Variants in GRIK2 observed in about 807,000 individuals in gnomAD.
The protein encoded by GRIK2 is glutamate ionotropic receptor kainate type subunit 2.
In GRIK2, 32 loss-of-function variants were observed where a neutral mutation model predicts 100.3. That is an observed-to-expected ratio of 0.32 (90% CI 0.24 to 0.43). The LOEUF (loss-of-function observed/expected upper bound fraction) is 0.43. GRIK2 is among the 20% of genes least tolerant of loss of function. The probability of loss-of-function intolerance (pLI) is 1.00; values close to 1 mark genes in which losing one functional copy is unlikely to be tolerated. For synonymous variants in GRIK2, 417 were observed against 389.4 expected (o/e 1.07, Z -0.83); for missense variants, 843 against 1,114.9 (o/e 0.76, Z 3.47).
chr6:101,775,523 GTA>G (rs1361727551), intron 7 of GRIK2, among the ~76,000 whole-genome samples: 1 of 2,948 alleles, frequency 3.4e-4, no homozygotes, highest in African/African-American at 1.5e-3. Flanking sequence ...ATATATGTGT[GTA>G]TATATATGTA....
intron 10 of GRIK2, among the ~76,000 whole-genome samples, chr6:101,822,207 TACACAC>T (rs58680927): frequency 0.015 from 2,201 of 143,214 alleles, 22 homozygotes; most frequent in Middle Eastern, 0.032. Flanking sequence ...TGGAGAGTTT[TACACAC>T]ACACACACAC....
At chr6:101,509,361 G>A (rs969642425) in intron 2 of GRIK2, among the ~76,000 whole-genome samples, 5 of 152,082 alleles carry the variant, frequency 3.3e-5, no homozygotes, top group East Asian at 1.9e-4. Context: ...TTTACTGAGC[G>A]ATTAATTTCC....
chr6:101,807,490 C>A (rs890274886), intron 9 of GRIK2, among the ~76,000 whole-genome samples: 12 of 151,848 alleles, frequency 7.9e-5, no homozygotes, highest in African/African-American at 2.7e-4. Flanking sequence ...TCAGAACTTA[C>A]TACAGGAAGG....
In GRIK2 at chr6:101,477,435, T is replaced by C. The variant is rs1347834325; in HGVS notation, c.115+78043T>C. On this transcript the variant is annotated intron_variant, in intron 2 of 16. Coordinates refer to ENST00000369134, the MANE Select transcript of GRIK2 (RefSeq NM_021956.5). ...GCCCACCAAACAATTTGTCAAATTA[T>C]GTTTCTTATCCATTTTGATCTCCCT... 2.0e-5 allele frequency among the ~76,000 whole-genome samples: 3 copies of C among 152,314 alleles called. No individual in the cohort carries two copies. In the South Asian group the frequency reaches 6.2e-4, roughly 32 times the overall value.
intron 2 of GRIK2, among the ~76,000 whole-genome samples, chr6:101,607,861 T>C (rs1779503202): frequency 6.6e-6 from 1 of 151,742 alleles, no homozygotes; most frequent in South Asian, 2.1e-4. Flanking sequence ...TTGAAGACCC[T>C]ACCTAGGGGC....
chr6:101,716,738 TTAAAGAA>T (rs1295048712), intron 7 of GRIK2, among the ~76,000 whole-genome samples: 1 of 151,680 alleles, frequency 6.6e-6, no homozygotes, highest in African/African-American at 2.4e-5. Flanking sequence ...ACCCAAGAAC[TTAAAGAA>T]TAATAATAAA....
At chr6:101,729,693 G>A (rs1275987060) in intron 7 of GRIK2, among the ~76,000 whole-genome samples, 1 of 149,350 alleles carries the variant, frequency 6.7e-6, no homozygotes, top group African/African-American at 2.4e-5. Flanking sequence ...GGTGTGGGAA[G>A]AGAGAGAGAG....
intron 2 of GRIK2, among the ~76,000 whole-genome samples, chr6:101,555,076 A>G (rs1776675465): frequency 6.6e-6 from 1 of 152,192 alleles, no homozygotes; most frequent in Non-Finnish European, 1.5e-5. Context: ...AGTTGAAGGA[A>G]ATATGCTGTT....
At chr6:101,885,465 C>T (rs762268735) in intron 11 of GRIK2, among the ~76,000 whole-genome samples, 96 of 151,954 alleles carry the variant, frequency 6.3e-4, no homozygotes, top group Non-Finnish European at 9.3e-4. Flanking sequence ...TCTCAGGTTT[C>T]GGGTTAGCTA....
chr6:101,800,328 T>A (rs1189277084), intron 8 of GRIK2, among the ~76,000 whole-genome samples: 4 of 151,830 alleles, frequency 2.6e-5, no homozygotes, highest in African/African-American at 9.7e-5. Context: ...ATGTCTGTTA[T>A]AGATCAAGAA....
At chr6:101,680,286 C>T (rs1771149699) in intron 5 of GRIK2, among the ~76,000 whole-genome samples, 1 of 152,140 alleles carries the variant, frequency 6.6e-6, no homozygotes, top group African/African-American at 2.4e-5. Context: ...TTGCCTGAGA[C>T]GTCCATGTTT....
intron 14 of GRIK2, among the ~76,000 whole-genome samples, chr6:101,962,118 C>T (rs1223051): frequency 0.099 from 14,982 of 152,084 alleles, 2,021 homozygotes; most frequent in African/African-American, 0.3. Flanking sequence ...ATAAAGTACC[C>T]CCATCTACCT....
At chr6:101,676,927 G>A (rs1330273262) in intron 5 of GRIK2, 123 bp downstream of exon 5, 3 of 577,526 alleles carry the variant, frequency 5.2e-6, no homozygotes, top group Non-Finnish European at 8.9e-6. Context: ...GTAATTTTAT[G>A]ATAGAAAGTC....
At chr6:101,689,903 G>A (rs952373894) in intron 7 of GRIK2, among the ~76,000 whole-genome samples, 2 of 152,080 alleles carry the variant, frequency 1.3e-5, no homozygotes, top group South Asian at 2.1e-4. Context: ...CTTTCAATGA[G>A]CGTTACTACT....
chr6:101,619,819 A>C (rs1582837563), intron 2 of GRIK2, among the ~76,000 whole-genome samples: 1 of 152,184 alleles, frequency 6.6e-6, no homozygotes, highest in East Asian at 1.9e-4. Flanking sequence ...TTTGCAGAAA[A>C]CTACTAGTTT....
chr6:101,718,060 C>T (rs1238990017), intron 7 of GRIK2, among the ~76,000 whole-genome samples: 3 of 151,528 alleles, frequency 2.0e-5, no homozygotes, highest in Non-Finnish European at 4.4e-5. Context: ...CTTGTCTATA[C>T]CACCAAATTA....
intron 5 of GRIK2, among the ~76,000 whole-genome samples, chr6:101,680,216 A>G (rs556022698): frequency 3.3e-5 from 5 of 152,292 alleles, no homozygotes; most frequent in African/African-American, 1.2e-4. Flanking sequence ...AGAACAAATC[A>G]TCTTCTTCTC....
intron 4 of GRIK2, among the ~76,000 whole-genome samples, chr6:101,662,671 T>G (rs887699246): frequency 7.9e-5 from 12 of 152,048 alleles, no homozygotes; most frequent in Admixed American, 2.6e-4. Context: ...TATTTTCTAT[T>G]TCTACAGTAA....
At chr6:101,968,098 T>G (rs1433397192) in intron 14 of GRIK2, among the ~76,000 whole-genome samples, 1 of 152,044 alleles carries the variant, frequency 6.6e-6, no homozygotes, top group Non-Finnish European at 1.5e-5. Flanking sequence ...TTTATTTGGC[T>G]CTGTCAAGTG....
Sources: gnomAD v4.1 joint callset for allele counts (sites outside exome capture counted in the v4.1 genomes callset) on GRCh38, gnomAD v4.1.1 for gene constraint, MANE v1.5 for transcripts, NCBI Gene and HGNC (gene_info 2026-07-23, HGNC 2026-07-21) for gene names.